The following SETBP1 variants were observed in gnomAD, a reference collection of about 807,000 sequenced individuals.
SETBP1 encodes SET binding protein 1, also known as SET-binding protein.
SETBP1 carries 9 observed loss-of-function variants against 101.0 expected under a neutral mutation model. That is an observed-to-expected ratio of 0.09 (90% CI 0.05 to 0.16). The LOEUF is 0.16. Ranked by LOEUF, SETBP1 falls within the 10% of genes least tolerant of loss-of-function variation. SETBP1 has a pLI of 1.00. For missense variants in SETBP1, 1,858 were observed against 2,033.8 expected (o/e 0.91, Z 1.66); for synonymous variants, 818 against 788.5 (o/e 1.04, Z -0.63).
At chr18:44,773,389 A>C (rs1424067786) in intron 2 of SETBP1, among the ~76,000 whole-genome samples, 4 of 152,174 alleles carry the variant, frequency 2.6e-5, no homozygotes, top group African/African-American at 9.7e-5. Context: ...GAATCATAGC[A>C]AGCTTGGCTC....
chr18:44,962,829 G>A (rs566281384), intron 4 of SETBP1, among the ~76,000 whole-genome samples: 1 of 152,130 alleles, frequency 6.6e-6, no homozygotes, highest in African/African-American at 2.4e-5. Context: ...CAGTGCGGGG[G>A]CTGGGGAGAA....
At chr18:44,937,753 A>G (rs1983042926) in intron 3 of SETBP1, among the ~76,000 whole-genome samples, 1 of 152,048 alleles carries the variant, frequency 6.6e-6, no homozygotes, top group Non-Finnish European at 1.5e-5. Context: ...CAGACTTCCA[A>G]AATCAATCTG....
In SETBP1 at chr18:45,008,369, C is replaced by A. The variant is rs148456798; in HGVS notation, c.4001-30116C>A. On this transcript the variant is annotated intron_variant, in intron 4 of 5. Coordinates refer to ENST00000649279, the MANE Select transcript of SETBP1 (RefSeq NM_015559.3). ...CCATGTATGTCCATCATGAATCTGA[C>A]AGAAATTTTACCCTGAGATTTGTGT... Among the ~76,000 whole-genome samples, 29 of 152,270 alleles carry A rather than the reference C, an allele frequency of 1.9e-4. 1 individual carries two copies. The highest frequency in any genetic ancestry group is 3.4e-3 in the Middle Eastern group (1 of 294).
intron 1 of SETBP1, among the ~76,000 whole-genome samples, chr18:44,685,212 G>T (rs1429620348): frequency 1.3e-5 from 2 of 152,224 alleles, no homozygotes; most frequent in African/African-American, 4.8e-5. Flanking sequence ...AGGAATAGGG[G>T]ATGAATGGTG....
chr18:44,739,100 T>A (rs2070043121), intron 2 of SETBP1, among the ~76,000 whole-genome samples: 1 of 152,236 alleles, frequency 6.6e-6, no homozygotes, highest in Non-Finnish European at 1.5e-5. Context: ...ATTTTCAACC[T>A]GCCATCTCTC....
intron 4 of SETBP1, among the ~76,000 whole-genome samples, chr18:44,980,213 G>T (rs2072081467): frequency 6.6e-6 from 1 of 152,196 alleles, no homozygotes; most frequent in Non-Finnish European, 1.5e-5. Context: ...TTTGATAGTG[G>T]TGTCAGGACA....
intron 1 of SETBP1, among the ~76,000 whole-genome samples, chr18:44,685,313 T>C (rs1463055220): frequency 6.6e-6 from 1 of 152,256 alleles, no homozygotes; most frequent in African/African-American, 2.4e-5. Context: ...CCCTTTCATA[T>C]GCATGGCATT....
intron 3 of SETBP1, among the ~76,000 whole-genome samples, chr18:44,901,052 G>T (rs1195355647): frequency 6.6e-6 from 1 of 152,176 alleles, no homozygotes; most frequent in African/African-American, 2.4e-5. Flanking sequence ...CTACACATGG[G>T]TCTTTAATAT....
intron 2 of SETBP1, among the ~76,000 whole-genome samples, chr18:44,858,069 G>A (rs1313240203): frequency 6.6e-6 from 1 of 152,154 alleles, no homozygotes; most frequent in Non-Finnish European, 1.5e-5. Context: ...AACACAAGAG[G>A]GAGATTTTTA....
intron 3 of SETBP1, among the ~76,000 whole-genome samples, chr18:44,941,814 T>A (rs545294161): frequency 6.6e-6 from 1 of 152,276 alleles, no homozygotes; most frequent in South Asian, 2.1e-4. Context: ...ATTTTCATTT[T>A]ATTATTTTAG....
Position 44,969,620 on chromosome 18 carries a change from G to T in SETBP1, c.4000+16280G>T, listed in dbSNP as rs574279997. ...CAAGAAAAGCAGGCGCACTTCCATG[G>T]CTAGGTTCTAGGTTTGACTTTATTT... On this transcript the variant is annotated intron_variant, in intron 4 of 5. Transcript: ENST00000649279. Among the ~76,000 whole-genome samples the T allele has an allele frequency of 2.4e-4, 36 of 152,238 alleles. No individual in the cohort carries two copies. The South Asian group carries it at 7.5e-3, about 32-fold the overall frequency.
intron 2 of SETBP1, among the ~76,000 whole-genome samples, chr18:44,750,498 G>A (rs1406413140): frequency 3.3e-5 from 5 of 152,188 alleles, no homozygotes; most frequent in Admixed American, 3.3e-4. Flanking sequence ...TTTTGGGGGA[G>A]ACACAAACAT....
intron 4 of SETBP1, among the ~76,000 whole-genome samples, chr18:44,966,762 C>T (rs1006161357): frequency 6.6e-6 from 1 of 152,090 alleles, no homozygotes; most frequent in Non-Finnish European, 1.5e-5. Context: ...AAAGAAAGCC[C>T]AGGAGTTAAA....
rs1395502590 is a variant in SETBP1 at position 45,021,729 on chromosome 18, T to TAACTC, written c.4001-16755_4001-16751dup. On this transcript the variant is annotated intron_variant, in intron 4 of 5. Transcript: ENST00000649279. Reference sequence around the variant, plus strand: ...GGAGGGTCTTATTTTCTTGAAAACATAACTCTCTCTAAGCCCTCCTCTCCA... The same window carrying TAACTC: ...GGAGGGTCTTATTTTCTTGAAAACATAACTCAACTCTCTCTAAGCCCTCCTCTCCA... Among the ~76,000 whole-genome samples, 9 of 152,318 alleles carry TAACTC rather than the reference T, an allele frequency of 5.9e-5. No individual in the cohort carries two copies. The East Asian group carries it at 1.7e-3, about 29-fold the overall frequency.
intron 3 of SETBP1, among the ~76,000 whole-genome samples, chr18:44,925,339 C>T (rs1482833203): frequency 6.6e-6 from 1 of 152,076 alleles, no homozygotes; most frequent in Non-Finnish European, 1.5e-5. Context: ...CAGGCTGTAG[C>T]CTGCACCAGA....
At chr18:44,717,495 A>G (rs1159724930) in intron 2 of SETBP1, among the ~76,000 whole-genome samples, 1 of 152,226 alleles carries the variant, frequency 6.6e-6, no homozygotes, top group Non-Finnish European at 1.5e-5. Flanking sequence ...TTGCAGACAC[A>G]GGGCTCTGCT....
At chr18:44,831,657 AAG>A (rs1265388375) in intron 2 of SETBP1, among the ~76,000 whole-genome samples, 49 of 152,330 alleles carry the variant, frequency 3.2e-4, no homozygotes, top group Admixed American at 3.2e-3. Context: ...TCAGGTTATG[AAG>A]AGGAGTGAGT....
At chr18:44,702,403 G>A (rs1305574218) in intron 2 of SETBP1, among the ~76,000 whole-genome samples, 1 of 152,230 alleles carries the variant, frequency 6.6e-6, no homozygotes, top group South Asian at 2.1e-4. Context: ...AATATTTAGA[G>A]ACTCAAGAAG....
intron 3 of SETBP1, among the ~76,000 whole-genome samples, chr18:44,916,660 G>A (rs897327751): frequency 1.3e-4 from 19 of 150,460 alleles, no homozygotes; most frequent in Non-Finnish European, 2.8e-4. Context: ...GCCCAGACAC[G>A]GAGAGAATAT....
Sources: allele counts gnomAD v4.1 joint callset (sites outside exome capture counted in the v4.1 genomes callset), GRCh38; gene constraint gnomAD v4.1.1; transcripts MANE v1.5; gene names NCBI Gene and HGNC (gene_info 2026-07-23, HGNC 2026-07-21).